GRIN2A: variants seen among roughly 807,000 people sequenced by gnomAD.
The protein encoded by GRIN2A is glutamate receptor ionotropic, NMDA 2A.
Under a neutral mutation model 113.4 loss-of-function variants are expected in GRIN2A, and 22 were observed. The ratio of observed to expected loss-of-function variants is 0.19; its 90% confidence interval spans 0.14 to 0.28. The LOEUF is 0.28. Among genes scored for constraint, GRIN2A ranks in the 10% least tolerant of loss-of-function variants. The pLI is 1.00. For missense variants in GRIN2A, 1,502 were observed against 1,887.0 expected, an observed-to-expected ratio of 0.80 and a Z score of 3.78; for synonymous variants, 827 against 738.4, an observed-to-expected ratio of 1.12 and a Z score of -1.94.
chr16:9,892,949 AAG>A (rs57148692), intron 3 of GRIN2A, among the ~76,000 whole-genome samples: 5,075 of 137,836 alleles, frequency 0.037, 276 homozygotes, highest in African/African-American at 0.14. Context: ...AAAAAAAAAA[AAG>A]AAGAAGAAGA....
intron 2 of GRIN2A, among the ~76,000 whole-genome samples, chr16:10,158,036 A>C (rs2049737308): frequency 6.6e-6 from 1 of 152,090 alleles, no homozygotes; most frequent in African/African-American, 2.4e-5. Context: ...ACAGGATCTC[A>C]CTCTGTCACC....
chr16:9,763,044 ATCT>A lies in GRIN2A; in HGVS notation c.*102_*104del. On this transcript the variant is annotated 3_prime_UTR_variant, in exon 13 of 13. Transcript: ENST00000330684. Reference sequence around the variant, plus strand: ...CAACAACAACAAAATACCTCCCTACATCTTCTTCCTCTTAGCAGGGCACTATTG... The same window carrying A: ...CAACAACAACAAAATACCTCCCTACATCTTCCTCTTAGCAGGGCACTATTG... 1 of 1,174,566 alleles carries A rather than the reference ATCT, an allele frequency of 8.5e-7. No homozygotes were observed. Among genetic ancestry groups the A allele is most frequent in the Non-Finnish European group, 1.2e-6 (1 of 804,732 alleles). 72.8% of individuals were successfully genotyped at this position (1,174,566 alleles called of 1,614,324 possible). A position where few individuals can be genotyped will look rare whatever the true frequency, so the allele number is the denominator to read the frequency against.
chr16:10,055,050 A>AC (rs2047424338), intron 2 of GRIN2A, among the ~76,000 whole-genome samples: 1 of 53,220 alleles, frequency 1.9e-5, no homozygotes, highest in African/African-American at 8.9e-5. Flanking sequence ...TCTATCTCAA[A>AC]AAAAAAAAAA....
chr16:9,963,347 G>A (rs2045480631), intron 2 of GRIN2A, among the ~76,000 whole-genome samples: 1 of 151,996 alleles, frequency 6.6e-6, no homozygotes, highest in Admixed American at 6.6e-5. Flanking sequence ...CACGTGCCAT[G>A]GTGGTTGGCT....
rs796587868 is a variant in GRIN2A, at chr16:9,934,728, T to G, written c.1007+3231A>C. Among the ~76,000 whole-genome samples, 5 of 151,620 alleles carry G rather than the reference T, an allele frequency of 3.3e-5. 1 individual carries two copies. Among genetic ancestry groups the G allele is most frequent in the African/African-American group, 1.2e-4 (5 of 41,356 alleles). ...AAAGGAGATATAATCCTTTTTGTTT[T>G]TTTGTTTTTAAATGCTTTCTTTGGC... On this transcript the variant is annotated intron_variant, in intron 3 of 12. Coordinates refer to ENST00000330684, the MANE Select transcript of GRIN2A (RefSeq NM_001134407.3).
At chr16:9,967,837 A>G (rs1223214925) in intron 2 of GRIN2A, among the ~76,000 whole-genome samples, 1 of 152,200 alleles carries the variant, frequency 6.6e-6, no homozygotes, top group East Asian at 1.9e-4. Context: ...AATGACCACT[A>G]AACAACTTAT....
At position 10,163,332 on chromosome 16, in the gene GRIN2A, T is replaced by G. The variant is rs74529979; in HGVS notation, c.414+16666A>C. 5.3e-5 allele frequency among the ~76,000 whole-genome samples: 8 copies of G among 152,288 alleles called. No homozygotes were observed. The East Asian group carries it at 1.2e-3, about 22-fold the overall frequency. On this transcript the variant is annotated intron_variant, in intron 2 of 12. Coordinates refer to ENST00000330684, the MANE Select transcript of GRIN2A (RefSeq NM_001134407.3). ...GGTTAGAAGGAAGCACATTTCTGTT[T>G]TCATATTTTAGGAAAGAGATCTTCA...
intron 10 of GRIN2A, among the ~76,000 whole-genome samples, chr16:9,810,067 C>T (rs951743007): frequency 1.3e-5 from 2 of 152,094 alleles, no homozygotes; most frequent in Non-Finnish European, 2.9e-5. Flanking sequence ...GACTCTGTCT[C>T]AAAAAGAAAA....
chr16:9,924,128 A>AAAAAAAAAAAAC (rs2044410462), intron 3 of GRIN2A, among the ~76,000 whole-genome samples: 1 of 144,566 alleles, frequency 6.9e-6, no homozygotes, highest in African/African-American at 2.7e-5. Context: ...AAAAAAAAAA[A>AAAAAAAAAAAAC]AAAAAAAAAA....
intron 3 of GRIN2A, among the ~76,000 whole-genome samples, chr16:9,914,695 C>T (rs562562205): frequency 1.3e-5 from 2 of 152,116 alleles, no homozygotes; most frequent in East Asian, 1.9e-4. Context: ...CTGAGGAAGA[C>T]GACAGTGAAT....
chr16:10,111,783 G>C (rs2048619682), intron 2 of GRIN2A: 1 of 1,458,924 alleles, frequency 6.9e-7, no homozygotes, highest in Non-Finnish European at 9.5e-7. Flanking sequence ...TGGAGGCCAA[G>C]ATCCGGCATG....
intron 2 of GRIN2A, among the ~76,000 whole-genome samples, chr16:10,176,953 G>C (rs17570793): frequency 0.14 from 20,738 of 152,202 alleles, 1,732 homozygotes; most frequent in Non-Finnish European, 0.19. Flanking sequence ...CTATCATGTT[G>C]CCAATGTAGA....
intron 11 of GRIN2A, among the ~76,000 whole-genome samples, chr16:9,795,012 C>CATGATG (rs144855272): frequency 3.1e-3 from 476 of 151,282 alleles, no homozygotes; most frequent in African/African-American, 0.011. Context: ...TGGCAATGGT[C>CATGATG]ATGATGATGA....
intron 4 of GRIN2A, among the ~76,000 whole-genome samples, chr16:9,864,704 T>C (rs1313200951): frequency 6.6e-6 from 1 of 152,170 alleles, no homozygotes; most frequent in Non-Finnish European, 1.5e-5. Flanking sequence ...GCAATAAGGT[T>C]ACAGAACCTG....
At chr16:9,973,420 C>A (rs1249504853) in intron 2 of GRIN2A, among the ~76,000 whole-genome samples, 3 of 152,168 alleles carry the variant, frequency 2.0e-5, no homozygotes, top group Non-Finnish European at 4.4e-5. Context: ...TAAGTCAGAT[C>A]TCTTTCACTG....
intron 4 of GRIN2A, among the ~76,000 whole-genome samples, chr16:9,882,477 A>G (rs1291223256): frequency 1.3e-5 from 2 of 152,170 alleles, no homozygotes; most frequent in Non-Finnish European, 2.9e-5. Context: ...TTGGAAGATG[A>G]AACTACTGTA....
intron 2 of GRIN2A, among the ~76,000 whole-genome samples, chr16:10,084,533 A>T (rs556133639): frequency 6.6e-6 from 1 of 152,282 alleles, no homozygotes; most frequent in East Asian, 1.9e-4. Flanking sequence ...ATGTAACAAT[A>T]TGACCCCCAA....
chr16:9,788,392 G>C (rs890721944), intron 11 of GRIN2A, among the ~76,000 whole-genome samples: 1 of 151,824 alleles, frequency 6.6e-6, no homozygotes, highest in Non-Finnish European at 1.5e-5. Context: ...AGAGTAGCTG[G>C]GATTATAGGT....
At chr16:10,006,238 G>T (rs549587205) in intron 2 of GRIN2A, among the ~76,000 whole-genome samples, 1 of 152,150 alleles carries the variant, frequency 6.6e-6, no homozygotes, top group African/African-American at 2.4e-5. Flanking sequence ...CTCAGGCAAA[G>T]GTGCATGCAC....
Sources: gnomAD v4.1 joint callset for allele counts (sites outside exome capture counted in the v4.1 genomes callset) on GRCh38, gnomAD v4.1.1 for gene constraint, MANE v1.5 for transcripts, NCBI Gene and HGNC (gene_info 2026-07-23, HGNC 2026-07-21) for gene names.